SFMBT2: variants seen among roughly 807,000 people sequenced by gnomAD.
SFMBT2 encodes the protein Scm like with four mbt domains 2.
A neutral mutation model predicts 110.1 loss-of-function variants in SFMBT2; 38 were observed. The observed-to-expected ratio is 0.35, with a 90% CI of 0.27 to 0.45. SFMBT2 has a LOEUF of 0.45. SFMBT2 is among the 20% of genes least tolerant of loss of function. The pLI is 1.00. For synonymous variants in SFMBT2, 425 were observed against 425.4 expected (o/e 1.00, Z 0.01); for missense variants, 1,011 against 1,094.9 (o/e 0.92, Z 1.08).
chr10:7,249,869 G>T (rs1053798506), intron 7 of SFMBT2, among the ~76,000 whole-genome samples: 3 of 152,184 alleles, frequency 2.0e-5, no homozygotes, highest in Non-Finnish European at 4.4e-5. Flanking sequence ...GTCGGCAAAG[G>T]TCTCTGTTTT....
intron 4 of SFMBT2, among the ~76,000 whole-genome samples, chr10:7,315,103 A>G (rs566435040): frequency 2.8e-5 from 4 of 145,390 alleles, no homozygotes; most frequent in Non-Finnish European, 6.2e-5. Context: ...AAAGAAAGAA[A>G]GAAAGAAAAA....
At chr10:7,265,372 T>G (rs1048468369) in intron 7 of SFMBT2, among the ~76,000 whole-genome samples, 28 of 152,142 alleles carry the variant, frequency 1.8e-4, no homozygotes, top group African/African-American at 6.8e-4. Flanking sequence ...CGACTAATTT[T>G]TGTATATTGT....
At position 7,355,656 on chromosome 10, in the gene SFMBT2, C is replaced by CA. The variant is rs528060979; in HGVS notation, c.436+11992dup. On this transcript the variant is annotated intron_variant, in intron 4 of 20. Transcript: ENST00000397167. ...TGAAACCCCTTCTCTATTAAAAATACAAAAAAATTAGCTGGGCGTGGTGGC... is the reference window on the plus strand; with the variant it reads ...TGAAACCCCTTCTCTATTAAAAATACAAAAAAAATTAGCTGGGCGTGGTGGC... Among the ~76,000 whole-genome samples the CA allele has an allele frequency of 2.1e-4, 32 of 152,058 alleles. No individual in the cohort carries two copies. The East Asian group carries it at 5.4e-3, about 26-fold the overall frequency.
chr10:7,300,335 A>T (rs1259730979), intron 4 of SFMBT2, among the ~76,000 whole-genome samples: 2 of 152,112 alleles, frequency 1.3e-5, no homozygotes, highest in Non-Finnish European at 2.9e-5. Flanking sequence ...AAAAGAGACT[A>T]AGCAGGCTAC....
At chr10:7,331,432 G>C (rs1843554960) in intron 4 of SFMBT2, among the ~76,000 whole-genome samples, 1 of 152,132 alleles carries the variant, frequency 6.6e-6, no homozygotes, top group African/African-American at 2.4e-5. Flanking sequence ...TGAATCTAAT[G>C]GTCTTTACCT....
chr10:7,249,035 G>C, intron 7 of SFMBT2: 2 of 882,010 alleles, frequency 2.3e-6, no homozygotes, highest in Non-Finnish European at 2.7e-6. Flanking sequence ...TCACATCTCA[G>C]GGCTTCAGTC....
rs1554779108 is a variant in SFMBT2 at position 7,159,759 on chromosome 10, G to GA, written c.*4010_*4011insT. ...CACAACAAAGATTTTTAACACTACT[G>GA]TTTTTTTTAGTTCTATATACAGAAA... On this transcript the variant is annotated 3_prime_UTR_variant, in exon 21 of 21. Coordinates refer to ENST00000397167, the MANE Select transcript of SFMBT2 (RefSeq NM_001387889.1). 6.6e-6 allele frequency: 1 copy of GA among 151,982 alleles called. No homozygotes were observed. The highest frequency in any genetic ancestry group is 2.4e-5 in the African/African-American group (1 of 41,444). The allele number at this position is 151,982 out of a possible 1,614,324, so 9.4% of individuals were successfully genotyped here.
chr10:7,397,644 CG>C (rs1261516447), intron 1 of SFMBT2, among the ~76,000 whole-genome samples: 1 of 152,068 alleles, frequency 6.6e-6, no homozygotes, highest in Non-Finnish European at 1.5e-5. Context: ...AATTTTGAGC[CG>C]AATCTTGGTC....
At chr10:7,280,256 T>C (rs1340337489) in intron 6 of SFMBT2, among the ~76,000 whole-genome samples, 1 of 152,200 alleles carries the variant, frequency 6.6e-6, no homozygotes, top group East Asian at 1.9e-4. Flanking sequence ...CCTGTGGCAT[T>C]TTGTTATGGC....
chr10:7,327,474 A>G (rs1246495070), intron 4 of SFMBT2, among the ~76,000 whole-genome samples: 2 of 152,174 alleles, frequency 1.3e-5, no homozygotes, highest in East Asian at 1.9e-4. Context: ...TGAGGTCAGG[A>G]GTTCAAGGCC....
chr10:7,239,216 A>G (rs1201632187), intron 9 of SFMBT2, among the ~76,000 whole-genome samples: 1 of 152,262 alleles, frequency 6.6e-6, no homozygotes, highest in Non-Finnish European at 1.5e-5. Context: ...TTGTAATTGT[A>G]GGCAGCATCC....
Position 7,163,724 on chromosome 10 carries a change from C to T in SFMBT2, c.*46G>A, listed in dbSNP as rs552919481. The T allele has an allele frequency of 5.1e-6, 8 of 1,560,922 alleles. No individual in the cohort carries two copies. The highest frequency in any genetic ancestry group is 5.3e-6 in the Non-Finnish European group (6 of 1,135,996). Reference sequence around the variant, plus strand: ...AAAGTTTCAGTCCTGGAAACCTTTACCAACACCGCATCCCAGCAATAATGG... The same window carrying T: ...AAAGTTTCAGTCCTGGAAACCTTTATCAACACCGCATCCCAGCAATAATGG... On this transcript the variant is annotated 3_prime_UTR_variant, in exon 21 of 21. Transcript: ENST00000397167. This position sits in a 1 kb window ranked among gnomAD's most constrained non-coding sequence, Gnocchi z 4.8.
At chr10:7,321,836 A>G (rs896905919) in intron 4 of SFMBT2, among the ~76,000 whole-genome samples, 1 of 152,220 alleles carries the variant, frequency 6.6e-6, no homozygotes, top group Non-Finnish European at 1.5e-5. Flanking sequence ...ATAATTTCTT[A>G]CATTTGCAAT....
At chr10:7,368,319 G>A (rs1844967727) in intron 3 of SFMBT2, 1 of 984,894 alleles carries the variant, frequency 1.0e-6, no homozygotes, top group African/African-American at 1.7e-5. Flanking sequence ...GCTATTCCAT[G>A]AACAACATGG....
chr10:7,384,211 C>CGA (rs1845514394), intron 1 of SFMBT2, among the ~76,000 whole-genome samples: 1 of 27,976 alleles, frequency 3.6e-5, no homozygotes, highest in African/African-American at 1.8e-4. Context: ...AACTCCATCT[C>CGA]AAAAAAAAAA....
chr10:7,279,716 C>T (rs1026697820), intron 6 of SFMBT2, among the ~76,000 whole-genome samples: 1 of 152,100 alleles, frequency 6.6e-6, no homozygotes, highest in African/African-American at 2.4e-5. Context: ...ACAAGAAAAA[C>T]GAGGCAATCT....
At chr10:7,164,362 G>A (rs1837637060) in intron 20 of SFMBT2, 1 of 942,344 alleles carries the variant, frequency 1.1e-6, no homozygotes, top group African/African-American at 1.8e-5. Context: ...CTCCAGCCTG[G>A]GCAACACAGC....
rs181332965 is a variant in SFMBT2 at position 7,266,183 on chromosome 10, G to A, written c.870+10709C>T. Among the ~76,000 whole-genome samples the A allele has an allele frequency of 5.2e-3, 784 of 151,956 alleles. 5 individuals are homozygous for A. Among genetic ancestry groups the A allele is most frequent in the African/African-American group, 0.018 (727 of 41,446 alleles). Reference sequence around the variant, plus strand: ...CAGCTCACTGCAACCTCCGCCTCCCGGGTTCAAGCGATTCTCCTGCCTCAG... The same window carrying A: ...CAGCTCACTGCAACCTCCGCCTCCCAGGTTCAAGCGATTCTCCTGCCTCAG... On this transcript the variant is annotated intron_variant, in intron 7 of 20. Transcript: ENST00000397167.
At chr10:7,177,357 C>T (rs1838097089) in intron 16 of SFMBT2, among the ~76,000 whole-genome samples, 1 of 151,544 alleles carries the variant, frequency 6.6e-6, no homozygotes, top group Admixed American at 6.6e-5. Flanking sequence ...TCTCCCCCCG[C>T]CCCCCGCAAA....
Sources: gnomAD v4.1 joint callset for allele counts (sites outside exome capture counted in the v4.1 genomes callset) on GRCh38, gnomAD v4.1.1 for gene constraint, Gnocchi (gnomAD v3.1) non-coding constraint, MANE v1.5 for transcripts, NCBI Gene and HGNC (gene_info 2026-07-23, HGNC 2026-07-21) for gene names.